The following RHOD variants were observed in gnomAD, a reference collection of about 807,000 sequenced individuals.
RHOD encodes rho-related GTP-binding protein RhoD.
In RHOD, 11 loss-of-function variants were observed where a neutral mutation model predicts 16.7. The ratio of observed to expected loss-of-function variants is 0.66; its 90% CI spans 0.41 to 1.09. The LOEUF is 1.09. RHOD is among the 50% of genes least tolerant of loss of function. The pLI, the probability that RHOD is intolerant of heterozygous loss-of-function variation, is 0.00. For missense variants in RHOD, 271 were observed against 291.7 expected (o/e 0.93, Z 0.52); for synonymous variants, 124 against 126.3 (o/e 0.98, Z 0.12).
At position 67,069,152 on chromosome 11, in the gene RHOD, C is replaced by A. The variant is rs532927519; in HGVS notation, c.331-1273C>A. Among the ~76,000 whole-genome samples, 56 of 151,158 alleles carry A rather than the reference C, an allele frequency of 3.7e-4. 1 individual carries two copies. Among genetic ancestry groups the A allele is most frequent in the Non-Finnish European group, 6.3e-4 (43 of 67,768 alleles). On this transcript the variant is annotated intron_variant, in intron 3 of 4. Coordinates refer to ENST00000308831, the MANE Select transcript of RHOD (RefSeq NM_014578.4). ...CCGGCTGATGCCAATTTTTATCAGG[C>A]AAGTTTCATGCCCAAACCAGCCGAC...
chr11:67,064,022 C>T (rs574942610), intron 1 of RHOD, among the ~76,000 whole-genome samples: 4 of 149,612 alleles, frequency 2.7e-5, no homozygotes, highest in Non-Finnish European at 5.9e-5. Context: ...AGGAGAATCC[C>T]TTGAACCCAG....
At chr11:67,070,190 C>G in intron 3 of RHOD, 1 of 609,920 alleles carries the variant, frequency 1.6e-6, no homozygotes, top group Non-Finnish European at 3.0e-6. Context: ...AGTTACCGCA[C>G]CTGTACAGTG....
At chr11:67,066,013 A>AT in intron 2 of RHOD, 30 bp downstream of exon 2, 5 of 749,788 alleles carry the variant, frequency 6.7e-6, no homozygotes, top group African/African-American at 1.7e-5. Flanking sequence ...GCAGGGTGGG[A>AT]GGGGCTTCTG....
chr11:67,063,845 T>G (rs1423776238), intron 1 of RHOD, among the ~76,000 whole-genome samples: 1 of 136,972 alleles, frequency 7.3e-6, no homozygotes, highest in Non-Finnish European at 1.5e-5. Flanking sequence ...CAGTGGCTCA[T>G]GCCTGTAACC....
At chr11:67,068,577 C>T (rs1854987871) in intron 3 of RHOD, among the ~76,000 whole-genome samples, 1 of 152,094 alleles carries the variant, frequency 6.6e-6, no homozygotes, top group Non-Finnish European at 1.5e-5. Flanking sequence ...CTTTGGGAGG[C>T]TGAGGAGGGT....
intron 1 of RHOD, among the ~76,000 whole-genome samples, chr11:67,061,414 C>T (rs1854885184): frequency 6.6e-6 from 1 of 152,138 alleles, no homozygotes. Flanking sequence ...GGGTGGATCA[C>T]CTGAGGTCGG....
At chr11:67,063,207 T>C (rs1413317709) in intron 1 of RHOD, among the ~76,000 whole-genome samples, 1 of 151,760 alleles carries the variant, frequency 6.6e-6, no homozygotes, top group Admixed American at 6.6e-5. Flanking sequence ...CTGGGCAACA[T>C]AGCAAGACCC....
intron 1 of RHOD, among the ~76,000 whole-genome samples, chr11:67,062,343 T>G (rs2136246053): frequency 6.6e-6 from 1 of 152,318 alleles, no homozygotes; most frequent in East Asian, 1.9e-4. Context: ...GAGCCCGGTC[T>G]TAAGCCAGGC....
At chr11:67,071,090 C>T (rs1219530967) in intron 4 of RHOD, among the ~76,000 whole-genome samples, 1 of 151,784 alleles carries the variant, frequency 6.6e-6, no homozygotes, top group Non-Finnish European at 1.5e-5. Context: ...AAAAATTAGC[C>T]AAGTGGTGTG....
chr11:67,068,414 C>A (rs866572383), intron 3 of RHOD, among the ~76,000 whole-genome samples: 2 of 152,070 alleles, frequency 1.3e-5, no homozygotes, highest in Admixed American at 6.5e-5. Flanking sequence ...CCTAGGAGAG[C>A]CAGGAGAGTG....
At chr11:67,068,406 T>TA (rs910472632) in intron 3 of RHOD, among the ~76,000 whole-genome samples, 1 of 151,866 alleles carries the variant, frequency 6.6e-6, no homozygotes, top group Non-Finnish European at 1.5e-5. Context: ...CCATAAGACC[T>TA]AGGAGAGCCA....
chr11:67,061,873 ACAC>A (rs1854895356), intron 1 of RHOD, among the ~76,000 whole-genome samples: 1 of 149,072 alleles, frequency 6.7e-6, no homozygotes, highest in Admixed American at 6.8e-5. Context: ...GCGTGGTGAC[ACAC>A]CTGTAATCCC....
intron 1 of RHOD, among the ~76,000 whole-genome samples, chr11:67,063,942 C>T (rs963796962): frequency 6.0e-5 from 9 of 149,466 alleles, no homozygotes; most frequent in Non-Finnish European, 1.3e-4. Flanking sequence ...CCCGTCTCTA[C>T]TAAAAATATA....
At chr11:67,059,436 G>A (rs764926003) in intron 1 of RHOD, among the ~76,000 whole-genome samples, 7 of 152,022 alleles carry the variant, frequency 4.6e-5, no homozygotes, top group Non-Finnish European at 1.0e-4. Context: ...CCAGCTACTC[G>A]GGAAGCTGAG....
At chr11:67,066,301 C>G (rs1377754586) in intron 2 of RHOD, among the ~76,000 whole-genome samples, 1 of 152,216 alleles carries the variant, frequency 6.6e-6, no homozygotes, top group Non-Finnish European at 1.5e-5. Flanking sequence ...TCCGTGGCCT[C>G]TGCCCTCCAG....
At chr11:67,069,975 G>A (rs1290079508) in intron 3 of RHOD, among the ~76,000 whole-genome samples, 1 of 152,218 alleles carries the variant, frequency 6.6e-6, no homozygotes, top group Non-Finnish European at 1.5e-5. Flanking sequence ...ACAGGCGTGA[G>A]CCACCACACC....
Position 67,071,752 on chromosome 11 carries a change from T to G in RHOD, c.*150T>G, listed in dbSNP as rs1288623150. The stretch of plus-strand genomic sequence containing the variant: ...AAAGCCAGGCCCTGAGGCCTGGGAG[T>G]CCTGGACTGAGAAAGGGGGTTCCTG... On this transcript the variant is annotated 3_prime_UTR_variant, in exon 5 of 5. Transcript: ENST00000308831. 2 of 792,642 alleles carry G rather than the reference T, an allele frequency of 2.5e-6. No individual in the cohort carries two copies. Among genetic ancestry groups the G allele is most frequent in the Non-Finnish European group, 3.9e-6 (2 of 519,478 alleles). The allele number at this position is 792,642 out of a possible 1,614,324, so 49.1% of individuals were successfully genotyped here. A position where few individuals can be genotyped will look rare whatever the true frequency, so the allele number is the denominator to read the frequency against.
chr11:67,070,853 G>C (rs971443984), intron 4 of RHOD, among the ~76,000 whole-genome samples: 1 of 152,126 alleles, frequency 6.6e-6, no homozygotes, highest in African/African-American at 2.4e-5. Flanking sequence ...TCAGACCGTG[G>C]GTCCCTCTCT....
chr11:67,071,342 C>T (rs1855027015), intron 4 of RHOD, 93 bp from the exon 5 acceptor site: 1 of 1,316,208 alleles, frequency 7.6e-7, no homozygotes, highest in Non-Finnish European at 1.0e-6. Context: ...CTCCGCAGAC[C>T]CCACCTTCCA....
Sources: gnomAD v4.1 joint callset for allele counts (sites outside exome capture counted in the v4.1 genomes callset) on GRCh38, gnomAD v4.1.1 for gene constraint, MANE v1.5 for transcripts, NCBI Gene and HGNC (gene_info 2026-07-23, HGNC 2026-07-21) for gene names.